The following APMAP variants were observed in gnomAD, a reference collection of about 807,000 sequenced individuals.
APMAP encodes the protein adipocyte plasma membrane-associated protein.
Under a neutral mutation model 43.6 loss-of-function variants are expected in APMAP, and 33 were observed. The ratio of observed to expected loss-of-function variants is 0.76; its 90% CI spans 0.57 to 1.01. The LOEUF is 1.01. APMAP is among the 50% of genes least tolerant of loss of function. The probability of loss-of-function intolerance (pLI) is 0.00; values close to 1 mark genes in which losing one functional copy is unlikely to be tolerated. For missense variants in APMAP, 498 were observed against 540.7 expected (o/e 0.92, Z 0.78); for synonymous variants, 224 against 216.7 (o/e 1.03, Z -0.30).
At chr20:24,972,719 C>T (rs528878256) in intron 4 of APMAP, among the ~76,000 whole-genome samples, 5 of 151,422 alleles carry the variant, frequency 3.3e-5, no homozygotes, top group South Asian at 2.1e-4. Context: ...ACTATAGGTG[C>T]TCACTGTAGG....
At chr20:24,987,274 C>T (rs1043364059) in intron 1 of APMAP, among the ~76,000 whole-genome samples, 2 of 152,218 alleles carry the variant, frequency 1.3e-5, no homozygotes, top group Non-Finnish European at 2.9e-5. Flanking sequence ...CAGGTGTGCA[C>T]CACCACACGT....
At chr20:24,966,638 A>C (rs1254115238) in intron 8 of APMAP, among the ~76,000 whole-genome samples, 1 of 152,216 alleles carries the variant, frequency 6.6e-6, no homozygotes, top group East Asian at 1.9e-4. Flanking sequence ...CTTTCAAAGG[A>C]TCAAGGCCAA....
intron 2 of APMAP, among the ~76,000 whole-genome samples, chr20:24,980,394 T>G (rs151264982): frequency 5.9e-5 from 9 of 152,236 alleles, no homozygotes; most frequent in African/African-American, 2.2e-4. Flanking sequence ...ATTGGTGCCA[T>G]GCTACGATGA....
At chr20:24,981,404 T>C (rs1016324662) in intron 2 of APMAP, among the ~76,000 whole-genome samples, 5 of 152,204 alleles carry the variant, frequency 3.3e-5, no homozygotes, top group African/African-American at 1.2e-4. Context: ...AGTGACCCAC[T>C]GTGACCCACA....
intron 8 of APMAP, among the ~76,000 whole-genome samples, chr20:24,964,587 C>T (rs922607468): frequency 3.9e-5 from 6 of 152,116 alleles, no homozygotes; most frequent in African/African-American, 9.7e-5. Context: ...TCCTGAGGGA[C>T]GCCTACAGGG....
At chr20:24,990,657 A>C (rs2088183967) in intron 1 of APMAP, among the ~76,000 whole-genome samples, 1 of 152,226 alleles carries the variant, frequency 6.6e-6, no homozygotes, top group African/African-American at 2.4e-5. Flanking sequence ...CCCACTATAC[A>C]CAGGCTTTCC....
At chr20:24,978,418 T>A (rs1431442165) in intron 3 of APMAP, among the ~76,000 whole-genome samples, 1 of 152,260 alleles carries the variant, frequency 6.6e-6, no homozygotes, top group Non-Finnish European at 1.5e-5. Context: ...TAAGAAATAC[T>A]GTGCTGTCAA....
chr20:24,988,764 C>T (rs538911417), intron 1 of APMAP, among the ~76,000 whole-genome samples: 2 of 152,228 alleles, frequency 1.3e-5, no homozygotes, highest in East Asian at 3.8e-4. Context: ...CTCAACCTCA[C>T]CTGATCAGCA....
intron 3 of APMAP, among the ~76,000 whole-genome samples, chr20:24,975,288 TCAA>T (rs768417815): frequency 2.0e-5 from 3 of 152,156 alleles, no homozygotes; most frequent in Non-Finnish European, 4.4e-5. Flanking sequence ...TCTGAAAGAA[TCAA>T]CAACAACAAA....
chr20:24,985,897 G>A (rs1054823771), intron 1 of APMAP, among the ~76,000 whole-genome samples: 1 of 152,168 alleles, frequency 6.6e-6, no homozygotes, highest in Non-Finnish European at 1.5e-5. Context: ...TGCTGGGGAG[G>A]GTGCAGAAGG....
In APMAP at chr20:24,992,612, G is replaced by A. The variant is rs938189994; in HGVS notation, c.77C>T (p.Pro26Leu). ...GCCCTACCTGCCGTCCTTAGCCTCC[G>A]GGGCCTGGCCATCATCGTCTGTGAC... ...QVVTDDDGQA[P>L]EAKDGSSFSG... is the part of the protein sequence containing the mutation. The change falls in exon 1 of 9, where the codon CCG (proline) becomes CTG (leucine). Residue 26 changes from proline (P) to leucine (L), a missense_variant. Physicochemically the swap from Pro to Leu is moderately conservative, Grantham distance 98. Transcript: ENST00000217456. 8.9e-6 allele frequency: 14 copies of A among 1,564,688 alleles called. No homozygotes were observed. Among genetic ancestry groups the A allele is most frequent in the African/African-American group, 1.4e-5 (1 of 72,850 alleles).
At chr20:24,968,218 G>A (rs917892834) in intron 8 of APMAP, among the ~76,000 whole-genome samples, 1 of 152,180 alleles carries the variant, frequency 6.6e-6, no homozygotes, top group Non-Finnish European at 1.5e-5. Flanking sequence ...AAGCCACTGG[G>A]AAAATGGCAA....
intron 1 of APMAP, among the ~76,000 whole-genome samples, chr20:24,984,802 C>G (rs191087535): frequency 3.6e-4 from 55 of 152,324 alleles, no homozygotes; most frequent in African/African-American, 1.2e-3. Context: ...ATCTGGCAAA[C>G]AAGTGAAAGC....
In APMAP at chr20:24,963,904, TAG is replaced by T; in HGVS notation, c.1158_1159del (p.Tyr387HisfsTer70). 6.2e-7 allele frequency: 1 copy of T among 1,614,234 alleles called. No individual in the cohort carries two copies. The highest frequency in any genetic ancestry group is 8.5e-7 in the Non-Finnish European group (1 of 1,180,046). Reference sequence around the variant, plus strand: ...ATCGTGTTCGTGCACCTCGCTGATGTAGGTGGCCACCAGCCCATCGGGATCAT... The same window carrying T: ...ATCGTGTTCGTGCACCTCGCTGATGTGTGGCCACCAGCCCATCGGGATCAT... On this transcript the variant is annotated frameshift_variant, in exon 9 of 9. Coordinates refer to ENST00000217456, the MANE Select transcript of APMAP (RefSeq NM_020531.3). LOFTEE classifies it high-confidence loss of function.
At chr20:24,989,023 G>A (rs575792108) in intron 1 of APMAP, among the ~76,000 whole-genome samples, 1 of 151,606 alleles carries the variant, frequency 6.6e-6, no homozygotes, top group East Asian at 2.0e-4. Context: ...TAACTTTTCG[G>A]CAGGCCCTCA....
At chr20:24,968,786 A>G (rs2087969581) in intron 8 of APMAP, 106 bp downstream of exon 8, 2 of 1,136,926 alleles carry the variant, frequency 1.8e-6, no homozygotes, top group Non-Finnish European at 2.4e-6. Context: ...TGTCATTCAG[A>G]GCCAAATACT....
chr20:24,968,812 T>G, intron 8 of APMAP, 80 bp downstream of exon 8: 1 of 1,392,776 alleles, frequency 7.2e-7, no homozygotes, highest in Non-Finnish European at 9.7e-7. Flanking sequence ...CAGAACTAGA[T>G]TTTTAAGCTA....
chr20:24,971,313 G>T, intron 5 of APMAP, 147 bp downstream of exon 5: 1 of 689,156 alleles, frequency 1.5e-6, no homozygotes, highest in Non-Finnish European at 2.3e-6. Context: ...GACTTTTGCA[G>T]GCAATGTTTT....
chr20:24,972,126 C>G (rs760613064), intron 4 of APMAP, among the ~76,000 whole-genome samples: 4 of 144,776 alleles, frequency 2.8e-5, no homozygotes, highest in Non-Finnish European at 6.0e-5. Context: ...CTGTGGGGTG[C>G]TCATTGCAGG....
Sources: allele counts gnomAD v4.1 joint callset (sites outside exome capture counted in the v4.1 genomes callset), GRCh38; gene constraint gnomAD v4.1.1; transcripts MANE v1.5; gene names NCBI Gene and HGNC (gene_info 2026-07-23, HGNC 2026-07-21).